The following ARHGEF28 variants were observed in gnomAD, a reference collection of about 807,000 sequenced individuals.
ARHGEF28 encodes 190 kDa guanine nucleotide exchange factor.
ARHGEF28 carries 152 observed loss-of-function variants against 206.6 expected under a neutral mutation model. That is an observed-to-expected ratio of 0.74 (90% confidence interval 0.64 to 0.84). The LOEUF (loss-of-function observed/expected upper bound fraction) is 0.84. Among genes scored for constraint, ARHGEF28 ranks in the 40% least tolerant of loss-of-function variants. The pLI is 0.00. For synonymous variants in ARHGEF28, 763 were observed against 776.4 expected (o/e 0.98, Z 0.29); for missense variants, 2,028 against 2,073.2 (o/e 0.98, Z 0.42).
intron 4 of ARHGEF28, among the ~76,000 whole-genome samples, chr5:73,768,676 A>C (rs1325127757): frequency 1.3e-5 from 2 of 152,010 alleles, no homozygotes; most frequent in Non-Finnish European, 2.9e-5. Flanking sequence ...CTTGTCTCAG[A>C]TGAGACTTTT....
intron 9 of ARHGEF28, among the ~76,000 whole-genome samples, chr5:73,811,930 C>A (rs1755860433): frequency 6.7e-6 from 1 of 149,686 alleles, no homozygotes; most frequent in Admixed American, 6.7e-5. Context: ...TTGCAATGAG[C>A]CGAGATCCTG....
chr5:73,665,807 A>G (rs1211199731), intron 1 of ARHGEF28, among the ~76,000 whole-genome samples: 1 of 152,140 alleles, frequency 6.6e-6, no homozygotes, highest in Non-Finnish European at 1.5e-5. Flanking sequence ...ATTGGGGATT[A>G]AGTTTCCAAC....
At chr5:73,815,578 A>G (rs561300771) in intron 9 of ARHGEF28, among the ~76,000 whole-genome samples, 3 of 152,232 alleles carry the variant, frequency 2.0e-5, no homozygotes, top group Admixed American at 1.3e-4. Flanking sequence ...TTGGGTTGTA[A>G]TCTGCTTTAT....
intron 4 of ARHGEF28, among the ~76,000 whole-genome samples, chr5:73,757,537 G>T (rs1262542910): frequency 2.0e-5 from 3 of 152,076 alleles, no homozygotes; most frequent in Non-Finnish European, 4.4e-5. Flanking sequence ...CAATCATTGA[G>T]AGTTATTAGG....
intron 2 of ARHGEF28, among the ~76,000 whole-genome samples, chr5:73,706,726 G>C (rs1027465710): frequency 6.6e-6 from 1 of 152,210 alleles, no homozygotes; most frequent in African/African-American, 2.4e-5. Flanking sequence ...ACATCCCAGT[G>C]TGTGCCCTGA....
chr5:73,918,855 C>A (rs528261014), intron 35 of ARHGEF28, among the ~76,000 whole-genome samples: 1 of 152,164 alleles, frequency 6.6e-6, no homozygotes, highest in Non-Finnish European at 1.5e-5. Context: ...ATACAGGTTC[C>A]TCTATTCAGA....
At chr5:73,865,581 A>G (rs1759656109) in intron 17 of ARHGEF28, among the ~76,000 whole-genome samples, 1 of 152,144 alleles carries the variant, frequency 6.6e-6, no homozygotes, top group Admixed American at 6.6e-5. Context: ...TTTCAGTGCT[A>G]CAGGTGGTTG....
chr5:73,888,217 G>A (rs1268346743), intron 26 of ARHGEF28, among the ~76,000 whole-genome samples: 1 of 152,192 alleles, frequency 6.6e-6, no homozygotes, highest in Non-Finnish European at 1.5e-5. Context: ...CCATCCTGAT[G>A]CCTAATGTTG....
At chr5:73,940,734 C>A in intron 35 of ARHGEF28, 110 bp from the exon 36 acceptor site, 4 of 1,000,916 alleles carry the variant, frequency 4.0e-6, no homozygotes, top group Non-Finnish European at 5.2e-6. Flanking sequence ...CATTCTGTGG[C>A]TGACTATATG....
chr5:73,735,241 AATT>A (rs1376680520), intron 2 of ARHGEF28, among the ~76,000 whole-genome samples: 1 of 151,282 alleles, frequency 6.6e-6, no homozygotes, highest in Non-Finnish European at 1.5e-5. Context: ...ATTAAATTAA[AATT>A]AATTAAATTA....
intron 2 of ARHGEF28, among the ~76,000 whole-genome samples, chr5:73,718,312 A>G (rs1749712216): frequency 6.6e-6 from 1 of 152,216 alleles, no homozygotes. Flanking sequence ...GCTGGGTAGC[A>G]GAAGATGACA....
At chr5:73,816,372 A>T (rs1164076567) in intron 9 of ARHGEF28, among the ~76,000 whole-genome samples, 3 of 152,174 alleles carry the variant, frequency 2.0e-5, no homozygotes, top group Non-Finnish European at 4.4e-5. Flanking sequence ...TGAATTTCTT[A>T]ATCATTCTTC....
At chr5:73,675,305 T>C (rs1746585883) in intron 1 of ARHGEF28, among the ~76,000 whole-genome samples, 1 of 152,178 alleles carries the variant, frequency 6.6e-6, no homozygotes, top group Admixed American at 6.5e-5. Context: ...AGAAACTGTT[T>C]TTTTTCTACT....
intron 1 of ARHGEF28, among the ~76,000 whole-genome samples, chr5:73,672,536 C>T (rs955682959): frequency 3.9e-5 from 6 of 152,188 alleles, no homozygotes; most frequent in African/African-American, 1.4e-4. Flanking sequence ...ATATCCTTCC[C>T]TAGATGGCCT....
intron 7 of ARHGEF28, among the ~76,000 whole-genome samples, chr5:73,783,902 C>T (rs1753998808): frequency 6.6e-6 from 1 of 152,078 alleles, no homozygotes; most frequent in Non-Finnish European, 1.5e-5. Context: ...AAATCCAAGC[C>T]CTCTGACTCC....
At chr5:73,846,546 A>G in intron 12 of ARHGEF28, 71 bp downstream of exon 12, 7 of 1,421,542 alleles carry the variant, frequency 4.9e-6, no homozygotes, top group Non-Finnish European at 6.8e-6. Context: ...ACCCATCTGT[A>G]TCTGAAAGAC....
At chr5:73,629,520 AAATT>A (rs1236098799) in intron 1 of ARHGEF28, among the ~76,000 whole-genome samples, 3 of 151,874 alleles carry the variant, frequency 2.0e-5, no homozygotes, top group African/African-American at 7.3e-5. Context: ...AAAAAAAAAA[AAATT>A]AAAGACATTT....
chr5:73,761,100 T>G (rs1258097007), intron 4 of ARHGEF28, among the ~76,000 whole-genome samples: 1 of 151,032 alleles, frequency 6.6e-6, no homozygotes, highest in Non-Finnish European at 1.5e-5. Context: ...GATTCGGGAC[T>G]GTAGAAGGTT....
intron 20 of ARHGEF28, 50 bp downstream of exon 20, chr5:73,868,277 C>A: frequency 6.6e-7 from 1 of 1,513,948 alleles, no homozygotes; most frequent in South Asian, 1.3e-5. Context: ...TAGCATTTGC[C>A]AAAATGACAC....
Sources: allele counts gnomAD v4.1 joint callset (sites outside exome capture counted in the v4.1 genomes callset), GRCh38; gene constraint gnomAD v4.1.1; transcripts MANE v1.5; gene names NCBI Gene and HGNC (gene_info 2026-07-23, HGNC 2026-07-21).